NKTR: variants seen among roughly 807,000 people sequenced by gnomAD.
NKTR encodes natural killer cell triggering receptor, also known as NK-tumor recognition protein.
In NKTR, 67 loss-of-function variants were observed where a neutral mutation model predicts 156.3. The observed-to-expected ratio is 0.43, with a 90% CI of 0.35 to 0.53. NKTR has a LOEUF of 0.53. Among genes scored for constraint, NKTR ranks in the 20% least tolerant of loss-of-function variants. The pLI, the probability that NKTR is intolerant of heterozygous loss-of-function variation, is 0.01. For missense variants in NKTR, 1,604 were observed against 1,730.9 expected (o/e 0.93, Z 1.30); for synonymous variants, 640 against 596.6 (o/e 1.07, Z -1.06).
Position 42,637,379 on chromosome 3 carries a change from C to T in NKTR, c.1675C>T (p.His559Tyr). The T allele has an allele frequency of 6.2e-7, 1 of 1,614,070 alleles. No individual in the cohort carries two copies. Among genetic ancestry groups the T allele is most frequent in the South Asian group, 1.1e-5 (1 of 91,052 alleles). The change falls in exon 13 of 17, where the codon CAC becomes TAC. Residue 559 changes from histidine to tyrosine, a missense_variant. Physicochemically the swap from His to Tyr is moderately conservative, Grantham distance 83. This residue lies in a region of NKTR where 1,255 missense variants were observed against 1,243.7 expected (regional missense o/e 1.01). Transcript: ENST00000232978. Reference sequence around the variant, plus strand: ...GTCCAGATCTAGTTCCAAGTCTGGGCACCGAAAGAGAGCATCAAAATCACC... The same window carrying T: ...GTCCAGATCTAGTTCCAAGTCTGGGTACCGAAAGAGAGCATCAAAATCACC... ...SKSRSSSKSG[H>Y]RKRASKSPRK...
At chr3:42,639,897 T>C in intron 13 of NKTR, 147 bp downstream of exon 13, 1 of 690,954 alleles carries the variant, frequency 1.4e-6, no homozygotes, top group Non-Finnish European at 2.4e-6. Flanking sequence ...AGAGAGTAGA[T>C]TGAAAACTTA....
At chr3:42,619,580 A>G in intron 4 of NKTR, 84 bp from the exon 5 acceptor site, 1 of 1,586,828 alleles carries the variant, frequency 6.3e-7, no homozygotes, top group Non-Finnish European at 8.5e-7. Context: ...GGTTTCCTTC[A>G]GCGAATTGAA....
At chr3:42,625,735 T>C (rs900391731) in intron 6 of NKTR, among the ~76,000 whole-genome samples, 3 of 152,166 alleles carry the variant, frequency 2.0e-5, no homozygotes, top group Non-Finnish European at 4.4e-5. Context: ...CTTCATATGT[T>C]AATTTCAGAT....
At position 42,645,806 on chromosome 3, in the gene NKTR, C is replaced by G. The variant is rs892265617; in HGVS notation, c.4302-82C>G. On this transcript the variant is annotated intron_variant, in intron 16 of 16. Coordinates refer to ENST00000232978, the MANE Select transcript of NKTR (RefSeq NM_005385.4). ...AAACACTATTGATGTTTTCAAGCCA[C>G]TCATATAAAAAACAAGCTATAAGAG... 6.3e-5 allele frequency: 54 copies of G among 854,964 alleles called. 1 individual carries two copies. Among genetic ancestry groups the G allele is most frequent in the Non-Finnish European group, 9.7e-5 (53 of 545,886 alleles). 53.0% of individuals were successfully genotyped at this position (854,964 alleles called of 1,614,324 possible).
At chr3:42,619,603 G>A in intron 4 of NKTR, 61 bp from the exon 5 acceptor site, 1 of 1,595,498 alleles carries the variant, frequency 6.3e-7, no homozygotes, top group Non-Finnish European at 8.5e-7. Context: ...TATCAAAAAT[G>A]ATTTCTGTGT....
Position 42,617,627 on chromosome 3 carries a change from T to G in NKTR, c.116T>G (p.Phe39Cys). The G allele has an allele frequency of 6.3e-7, 1 of 1,592,630 alleles. No homozygotes were observed. Among genetic ancestry groups the G allele is most frequent in the Non-Finnish European group, 8.6e-7 (1 of 1,160,702 alleles). ...ATATGTCCAAAAACATGCAAAAACT[T>G]CCTTTGCTTGTGCTCAGGTAAGTGA... Reference protein sequence around the residue: ...SDICPKTCKNFLCLCSGEKGL... With the variant: ...SDICPKTCKNCLCLCSGEKGL... The change falls in exon 3 of 17, where the codon TTC becomes TGC. Residue 39 changes from phenylalanine (F) to cysteine (C), a missense_variant. Around this residue, in one of 6 missense-constraint regions of NKTR, gnomAD observed 73 missense variants for 90.7 expected, o/e 0.80. Coordinates refer to ENST00000232978, the MANE Select transcript of NKTR (RefSeq NM_005385.4).
chr3:42,618,233 C>A (rs1034449406), intron 3 of NKTR, among the ~76,000 whole-genome samples: 146 of 151,220 alleles, frequency 9.7e-4, no homozygotes, highest in African/African-American at 3.4e-3. Context: ...CGCCTGTAAT[C>A]CCAGCTACTC....
At chr3:42,629,471 C>T (rs943856209) in intron 6 of NKTR, 6 of 961,876 alleles carry the variant, frequency 6.2e-6, no homozygotes, top group African/African-American at 3.5e-5. Flanking sequence ...AGCATTGTTA[C>T]GAAGGTTAAA....
chr3:42,618,426 A>G (rs2125781278), intron 3 of NKTR, among the ~76,000 whole-genome samples: 1 of 151,776 alleles, frequency 6.6e-6, no homozygotes, highest in East Asian at 1.9e-4. Flanking sequence ...CAATTTTTGC[A>G]CTAACTCCTT....
At chr3:42,632,884 A>G (rs372580223) in intron 9 of NKTR, 61 bp downstream of exon 9, 1 of 1,413,052 alleles carries the variant, frequency 7.1e-7, no homozygotes, top group African/African-American at 1.5e-5. Context: ...TGGGAAAAGT[A>G]TGTATAATTC....
At chr3:42,626,426 T>C (rs1286154071) in intron 6 of NKTR, among the ~76,000 whole-genome samples, 1 of 152,112 alleles carries the variant, frequency 6.6e-6, no homozygotes, top group Non-Finnish European at 1.5e-5. Flanking sequence ...AAAATCTTGA[T>C]AATGGGGAAA....
chr3:42,601,654 G>C (rs1466604100), intron 2 of NKTR: 8 of 152,164 alleles, frequency 5.3e-5, no homozygotes, highest in Non-Finnish European at 1.5e-5. Flanking sequence ...CCAGACATTT[G>C]TTAGTGTATT....
intron 10 of NKTR, 74 bp downstream of exon 10, chr3:42,633,809 C>T (rs565226672): frequency 3.4e-5 from 51 of 1,515,458 alleles, no homozygotes; most frequent in Non-Finnish European, 4.6e-5. Flanking sequence ...GCATTCCACA[C>T]TCATGTATGG....
chr3:42,633,887 G>A, intron 10 of NKTR, 152 bp downstream of exon 10: 1 of 792,024 alleles, frequency 1.3e-6, no homozygotes, highest in Admixed American at 2.4e-5. Context: ...ATGATACGTA[G>A]GAAATATGGG....
chr3:42,619,832 A>G (rs1452596116), intron 5 of NKTR, 124 bp downstream of exon 5: 11 of 1,491,164 alleles, frequency 7.4e-6, no homozygotes, highest in Non-Finnish European at 9.8e-6. Context: ...ATGCTGCATG[A>G]AAATACTTTA....
intron 2 of NKTR, among the ~76,000 whole-genome samples, chr3:42,607,579 G>T (rs967127216): frequency 6.6e-6 from 1 of 152,000 alleles, no homozygotes; most frequent in African/African-American, 2.4e-5. Context: ...GGTATATAAT[G>T]CTTGAATGAG....
chr3:42,635,338 A>C lies in NKTR; in HGVS notation c.1135A>C (p.Ser379Arg). 2 of 1,612,150 alleles carry C rather than the reference A, an allele frequency of 1.2e-6. No homozygotes were observed. The highest frequency in any genetic ancestry group is 2.2e-5 in the South Asian group (2 of 90,788). ...GAGATTAAGAGCATATAGACCACCT[A>C]GTGGAGAAAAATGGAGTAAAGGAGA... ...MQRLRAYRPP[S>R]GEKWSKGDKL... The change falls in exon 12 of 17, where the codon AGT (serine) becomes CGT (arginine). Residue 379 changes from serine (S) to arginine (R), a missense_variant. This residue lies in a region of NKTR where 1,255 missense variants were observed against 1,243.7 expected (regional missense o/e 1.01). Coordinates refer to ENST00000232978, the MANE Select transcript of NKTR (RefSeq NM_005385.4).
At chr3:42,623,103 T>G (rs977217520) in intron 6 of NKTR, among the ~76,000 whole-genome samples, 1 of 152,062 alleles carries the variant, frequency 6.6e-6, no homozygotes, top group Non-Finnish European at 1.5e-5. Flanking sequence ...CAAAAACATC[T>G]TATTTTTATT....
rs1302443396 is a variant in NKTR, at chr3:42,632,435, CA to C, written c.551-164del. The C allele has an allele frequency of 5.3e-6, 3 of 562,302 alleles. No homozygotes were observed. The African/African-American group carries it at 5.7e-5, about 11-fold the overall frequency. The allele number at this position is 562,302 out of a possible 1,614,324, so 34.8% of individuals were successfully genotyped here. A position where few individuals can be genotyped will look rare whatever the true frequency, so the allele number is the denominator to read the frequency against. On this transcript the variant is annotated intron_variant, in intron 8 of 16. Coordinates refer to ENST00000232978, the MANE Select transcript of NKTR (RefSeq NM_005385.4). ...TAAAGACAAGGGACTTACTACCTTA[CA>C]ATCTTGCCAGTAATTTTATTATAAA...
Sources: allele counts gnomAD v4.1 joint callset (sites outside exome capture counted in the v4.1 genomes callset), GRCh38; gene constraint gnomAD v4.1.1; regional missense constraint gnomAD v4.1.1; transcripts MANE v1.5; gene names NCBI Gene and HGNC (gene_info 2026-07-23, HGNC 2026-07-21).